RAPGEF2: variants seen among roughly 807,000 people sequenced by gnomAD.
RAPGEF2 encodes the protein Rap guanine nucleotide exchange factor 2.
A neutral mutation model predicts 186.7 loss-of-function variants in RAPGEF2; 54 were observed. The observed-to-expected ratio is 0.29, with a 90% confidence interval of 0.23 to 0.36. The LOEUF (loss-of-function observed/expected upper bound fraction) is 0.36. Ranked by LOEUF, RAPGEF2 falls within the 10% of genes least tolerant of loss-of-function variation. The pLI, the probability that RAPGEF2 is intolerant of heterozygous loss-of-function variation, is 1.00. For synonymous variants in RAPGEF2, 712 were observed against 705.9 expected (o/e 1.01, Z -0.14); for missense variants, 1,532 against 2,045.0 (o/e 0.75, Z 4.84).
At chr4:159,319,752 G>T (rs1222842294) in intron 9 of RAPGEF2, among the ~76,000 whole-genome samples, 1 of 150,846 alleles carries the variant, frequency 6.6e-6, no homozygotes, top group Non-Finnish European at 1.5e-5. Flanking sequence ...TGATATGCAG[G>T]TATCTTCTAT....
At chr4:159,264,589 A>C (rs901937043) in intron 7 of RAPGEF2, among the ~76,000 whole-genome samples, 8 of 152,208 alleles carry the variant, frequency 5.3e-5, no homozygotes, top group African/African-American at 1.7e-4. Context: ...GTGATAAAAT[A>C]TAAGTAACAT....
intron 1 of RAPGEF2, among the ~76,000 whole-genome samples, chr4:159,148,266 A>G (rs1277862767): frequency 1.3e-5 from 2 of 152,202 alleles, no homozygotes; most frequent in Non-Finnish European, 2.9e-5. Context: ...AGTAAGTTTT[A>G]TTGACCCTGA....
chr4:159,200,844 C>A (rs912243544), intron 3 of RAPGEF2, among the ~76,000 whole-genome samples: 1 of 151,912 alleles, frequency 6.6e-6, no homozygotes, highest in Non-Finnish European at 1.5e-5. Flanking sequence ...ATAAAAATTA[C>A]CCTCTACTTT....
intron 7 of RAPGEF2, 69 bp from the exon 8 acceptor site, chr4:159,304,267 TATTTTA>T (rs1275301871): frequency 1.5e-6 from 2 of 1,346,894 alleles, no homozygotes; most frequent in African/African-American, 3.0e-5. Context: ...TAAAATATGA[TATTTTA>T]ATTTTAAAAT....
intron 28 of RAPGEF2, among the ~76,000 whole-genome samples, chr4:159,355,615 A>G (rs1731859337): frequency 6.6e-6 from 1 of 152,164 alleles, no homozygotes; most frequent in Non-Finnish European, 1.5e-5. Context: ...AAGTACTTAG[A>G]TGGACTAGCA....
chr4:159,251,735 G>A (rs560218075), intron 7 of RAPGEF2, among the ~76,000 whole-genome samples: 38 of 152,188 alleles, frequency 2.5e-4, no homozygotes, highest in African/African-American at 8.4e-4. Context: ...TCAGCACCCT[G>A]TCAAAACGGG....
intron 9 of RAPGEF2, 119 bp downstream of exon 9, chr4:159,314,887 C>T (rs907398591): frequency 4.0e-6 from 4 of 1,010,260 alleles, no homozygotes; most frequent in Admixed American, 3.1e-5. Context: ...TATTAATTTC[C>T]TTTGTATAAA....
intron 20 of RAPGEF2, among the ~76,000 whole-genome samples, chr4:159,342,223 A>G (rs1729567505): frequency 6.6e-6 from 1 of 152,172 alleles, no homozygotes; most frequent in Non-Finnish European, 1.5e-5. Flanking sequence ...GAAAATCTAT[A>G]TCCCCCACTT....
chr4:159,348,253 T>G (rs1466201058), intron 25 of RAPGEF2, among the ~76,000 whole-genome samples: 1 of 64,974 alleles, frequency 1.5e-5, no homozygotes, highest in African/African-American at 4.2e-5. Flanking sequence ...GATGGATGGA[T>G]GGATGGATGG....
intron 1 of RAPGEF2, among the ~76,000 whole-genome samples, chr4:159,126,726 T>C (rs539504269): frequency 6.6e-6 from 1 of 152,340 alleles, no homozygotes; most frequent in South Asian, 2.1e-4. Flanking sequence ...AATTTCAGTT[T>C]CCCTTCATTT....
At chr4:159,275,053 T>TTG (rs1232507772) in intron 7 of RAPGEF2, among the ~76,000 whole-genome samples, 5 of 103,988 alleles carry the variant, frequency 4.8e-5, no homozygotes, top group Non-Finnish European at 9.8e-5. Context: ...TCTCTGTCTC[T>TTG]CGTGTGTGTG....
intron 3 of RAPGEF2, among the ~76,000 whole-genome samples, chr4:159,204,085 G>T (rs978952624): frequency 1.3e-5 from 2 of 152,200 alleles, no homozygotes; most frequent in African/African-American, 4.8e-5. Context: ...CGATTTACCT[G>T]AGCAAATGAT....
rs779160676 is a variant in RAPGEF2 at position 159,304,390 on chromosome 4, C to A, written c.592C>A (p.Gln198Lys). Residue 198 changes from glutamine to lysine, a missense_variant, in exon 8 of 30, where the codon CAG becomes AAG. Coordinates refer to ENST00000691494, the MANE Select transcript of RAPGEF2 (RefSeq NM_001394067.2). ...KLHLTDSLHP[Q>K]VTHVSSSHSG... ...GCATCTTACTGACAGTCTCCACCCA[C>A]AGGTGACCCACGTTTCTTCTAGCCA... 6.2e-7 allele frequency: 1 copy of A among 1,604,106 alleles called. No individual in the cohort carries two copies.
intron 7 of RAPGEF2, among the ~76,000 whole-genome samples, chr4:159,279,777 C>T (rs1053087841): frequency 6.6e-6 from 1 of 151,962 alleles, no homozygotes; most frequent in Non-Finnish European, 1.5e-5. Flanking sequence ...CTCCTGGGTT[C>T]CTGTGATTCT....
chr4:159,127,658 C>G (rs1397589582), intron 1 of RAPGEF2, among the ~76,000 whole-genome samples: 1 of 152,120 alleles, frequency 6.6e-6, no homozygotes, highest in East Asian at 1.9e-4. Context: ...CTTTATGTCT[C>G]CATGGCGTTT....
chr4:159,136,773 C>G (rs1377093549), intron 1 of RAPGEF2, among the ~76,000 whole-genome samples: 1 of 152,070 alleles, frequency 6.6e-6, no homozygotes, highest in Non-Finnish European at 1.5e-5. Context: ...TTTCTTTCAA[C>G]TGAACTTGAA....
chr4:159,202,243 C>T (rs576918829), intron 3 of RAPGEF2, among the ~76,000 whole-genome samples: 84 of 152,250 alleles, frequency 5.5e-4, no homozygotes, highest in Non-Finnish European at 8.4e-4. Flanking sequence ...TCCCCTGGGC[C>T]GCTTCAGGCT....
chr4:159,350,541 T>A (rs1215887482), intron 26 of RAPGEF2, among the ~76,000 whole-genome samples: 1 of 152,200 alleles, frequency 6.6e-6, no homozygotes, highest in African/African-American at 2.4e-5. Context: ...ACATTTACTT[T>A]TAATTCAGAT....
intron 7 of RAPGEF2, among the ~76,000 whole-genome samples, chr4:159,244,596 T>C (rs1754394293): frequency 6.6e-6 from 1 of 151,960 alleles, no homozygotes; most frequent in African/African-American, 2.4e-5. Flanking sequence ...CCTTGAAAAC[T>C]AATTGGTTAA....
Sources: gnomAD v4.1 joint callset for allele counts (sites outside exome capture counted in the v4.1 genomes callset) on GRCh38, gnomAD v4.1.1 for gene constraint, MANE v1.5 for transcripts, NCBI Gene and HGNC (gene_info 2026-07-23, HGNC 2026-07-21) for gene names.